The following HSD17B12 variants were observed in gnomAD, a reference collection of about 807,000 sequenced individuals.
HSD17B12 encodes the protein hydroxysteroid 17-beta dehydrogenase 12.
HSD17B12 carries 32 observed loss-of-function variants against 39.3 expected under a neutral mutation model. That is an observed-to-expected ratio of 0.81 (90% CI 0.61 to 1.09). The LOEUF (loss-of-function observed/expected upper bound fraction) is 1.09, where lower values mean the gene tolerates loss of function less well. Among genes scored for constraint, HSD17B12 ranks in the 50% least tolerant of loss-of-function variants. The pLI is 0.00. For synonymous variants in HSD17B12, 150 were observed against 146.7 expected, an observed-to-expected ratio of 1.02 and a Z score of -0.16; for missense variants, 342 against 382.9, an observed-to-expected ratio of 0.89 and a Z score of 0.89.
At chr11:43,715,564 T>A (rs1034683832) in intron 1 of HSD17B12, among the ~76,000 whole-genome samples, 9 of 152,148 alleles carry the variant, frequency 5.9e-5, no homozygotes, top group East Asian at 3.9e-4. Context: ...AATGTTCATC[T>A]GAGATATTGG....
At chr11:43,710,239 CCTTAT>C (rs1255118439) in intron 1 of HSD17B12, among the ~76,000 whole-genome samples, 2 of 152,084 alleles carry the variant, frequency 1.3e-5, no homozygotes, top group East Asian at 3.8e-4. Context: ...AAATATGTTT[CCTTAT>C]CTTATTTTAA....
At chr11:43,799,797 A>G (rs1439629422) in intron 4 of HSD17B12, among the ~76,000 whole-genome samples, 3 of 152,254 alleles carry the variant, frequency 2.0e-5, no homozygotes, top group Non-Finnish European at 4.4e-5. Flanking sequence ...TTTCCATAAT[A>G]GATAAGACAG....
At chr11:43,679,579 G>A (rs373441007), upstream of HSD17B12, among the ~76,000 whole-genome samples, 10 of 151,736 alleles carry the variant, frequency 6.6e-5, no homozygotes, top group African/African-American at 2.4e-4. Context: ...TGTGCCCCCT[G>A]GAAATACCAC....
the HSD17B12 span, among the ~76,000 whole-genome samples, chr11:43,559,981 C>G: frequency 6.6e-6 from 1 of 152,122 alleles, no homozygotes; most frequent in Non-Finnish European, 1.5e-5. Flanking sequence ...AAATATAATG[C>G]CTTTGTCTTT....
At position 43,856,100 on chromosome 11, in the gene HSD17B12, T is replaced by G. The variant is rs758525090; in HGVS notation, c.*852T>G. ...ACACAGGCTAGTCCTATAAAAGTAATGACTTCATAGAAATGGCATTATAAT... is the reference window on the plus strand; with the variant it reads ...ACACAGGCTAGTCCTATAAAAGTAAGGACTTCATAGAAATGGCATTATAAT... On this transcript the variant is annotated 3_prime_UTR_variant, in exon 11 of 11. Coordinates refer to ENST00000278353, the MANE Select transcript of HSD17B12 (RefSeq NM_016142.3). 47 of 152,322 alleles carry G rather than the reference T, an allele frequency of 3.1e-4. 1 individual carries two copies. Among genetic ancestry groups the G allele is most frequent in the Admixed American group, 2.9e-3 (44 of 15,270 alleles). 9.4% of individuals were successfully genotyped at this position (152,322 alleles called of 1,614,324 possible). A position where few individuals can be genotyped will look rare whatever the true frequency, so the allele number is the denominator to read the frequency against.
chr11:43,637,066 G>A, the HSD17B12 span, among the ~76,000 whole-genome samples: 2 of 152,136 alleles, frequency 1.3e-5, no homozygotes, highest in Admixed American at 6.5e-5. Context: ...AAATGAGGAT[G>A]ATAATAGGAT....
At chr11:43,710,825 C>T (rs1950058106) in intron 1 of HSD17B12, among the ~76,000 whole-genome samples, 1 of 152,144 alleles carries the variant, frequency 6.6e-6, no homozygotes, top group South Asian at 2.1e-4. Context: ...GAGTCTTGCT[C>T]TGTTGCCCAG....
At chr11:43,652,074 A>G in the HSD17B12 span, among the ~76,000 whole-genome samples, 1 of 152,252 alleles carries the variant, frequency 6.6e-6, no homozygotes, top group Non-Finnish European at 1.5e-5. Flanking sequence ...ATGGATCTAT[A>G]GACTCAAAGC....
the HSD17B12 span, among the ~76,000 whole-genome samples, chr11:43,663,723 A>G: frequency 6.6e-6 from 1 of 152,272 alleles, no homozygotes; most frequent in South Asian, 2.1e-4. Flanking sequence ...CAACACCTAC[A>G]CCAAGGTTTG....
intron 1 of HSD17B12, among the ~76,000 whole-genome samples, chr11:43,685,179 T>TG (rs1348242923): frequency 6.6e-6 from 1 of 152,234 alleles, no homozygotes; most frequent in Non-Finnish European, 1.5e-5. Flanking sequence ...GGAACTCGTT[T>TG]GGCTTTGCAG....
intron 1 of HSD17B12, among the ~76,000 whole-genome samples, chr11:43,696,765 A>G (rs1274504024): frequency 6.6e-6 from 1 of 152,200 alleles, no homozygotes; most frequent in Non-Finnish European, 1.5e-5. Flanking sequence ...ACCAACTCAA[A>G]TGCCCATCAG....
At chr11:43,704,596 G>T (rs1004773603) in intron 1 of HSD17B12, among the ~76,000 whole-genome samples, 3 of 152,178 alleles carry the variant, frequency 2.0e-5, no homozygotes, top group African/African-American at 7.2e-5. Flanking sequence ...TTCAGGAAAA[G>T]TTGACCAATC....
chr11:43,631,271 A>G, the HSD17B12 span, among the ~76,000 whole-genome samples: 2 of 152,246 alleles, frequency 1.3e-5, no homozygotes, highest in South Asian at 2.1e-4. Flanking sequence ...TTGAAGAAAT[A>G]TAGGTTGGGC....
At chr11:43,794,660 G>A (rs1009379282) in intron 3 of HSD17B12, among the ~76,000 whole-genome samples, 17 of 152,176 alleles carry the variant, frequency 1.1e-4, no homozygotes, top group Admixed American at 7.9e-4. Context: ...CGGAAAGAGC[G>A]TGATCTTGGA....
At chr11:43,781,774 G>C (rs1015023026) in intron 3 of HSD17B12, among the ~76,000 whole-genome samples, 2 of 152,050 alleles carry the variant, frequency 1.3e-5, no homozygotes, top group Non-Finnish European at 2.9e-5. Flanking sequence ...TGTATATTAA[G>C]TGTAATTAAC....
At chr11:43,603,109 T>TGA in the HSD17B12 span, among the ~76,000 whole-genome samples, 4 of 152,222 alleles carry the variant, frequency 2.6e-5, no homozygotes, top group Non-Finnish European at 5.9e-5. Context: ...GAATACTAGT[T>TGA]GAGTGAATTT....
At chr11:43,813,454 A>T (rs1336565560) in intron 4 of HSD17B12, among the ~76,000 whole-genome samples, 1 of 152,022 alleles carries the variant, frequency 6.6e-6, no homozygotes, top group Admixed American at 6.6e-5. Context: ...ACTTCATGAA[A>T]TTTTTTTTAA....
At chr11:43,625,673 G>T in the HSD17B12 span, among the ~76,000 whole-genome samples, 3 of 151,382 alleles carry the variant, frequency 2.0e-5, no homozygotes, top group Non-Finnish European at 4.4e-5. Context: ...ATTTTTGCCA[G>T]GTAGGAATAT....
chr11:43,709,391 G>A (rs578218831), intron 1 of HSD17B12, among the ~76,000 whole-genome samples: 12 of 152,228 alleles, frequency 7.9e-5, no homozygotes, highest in East Asian at 1.9e-4. Flanking sequence ...CTCCCAAAGT[G>A]TTGGGATTAC....
Sources: gnomAD v4.1 joint callset for allele counts (sites outside exome capture counted in the v4.1 genomes callset) on GRCh38, gnomAD v4.1.1 for gene constraint, MANE v1.5 for transcripts, NCBI Gene and HGNC (gene_info 2026-07-23, HGNC 2026-07-21) for gene names.